CDK17: variants seen among roughly 807,000 people sequenced by gnomAD.
The protein encoded by CDK17 is cyclin dependent kinase 17, also known as cyclin-dependent kinase 17.
In CDK17, 24 loss-of-function variants were observed where a neutral mutation model predicts 77.6. The observed-to-expected ratio is 0.31, with a 90% CI of 0.22 to 0.44. The LOEUF is 0.44. Among genes scored for constraint, CDK17 ranks in the 20% least tolerant of loss-of-function variants. CDK17 has a pLI of 1.00. For missense variants in CDK17, 429 were observed against 622.5 expected, an observed-to-expected ratio of 0.69 and a Z score of 3.31; for synonymous variants, 203 against 210.4, an observed-to-expected ratio of 0.96 and a Z score of 0.30.
chr12:96,352,799 C>A (rs117216240), intron 1 of CDK17, among the ~76,000 whole-genome samples: 3,686 of 152,290 alleles, frequency 0.024, 71 homozygotes, highest in Non-Finnish European at 0.037. Flanking sequence ...AATATGAAGT[C>A]TTTCAGTGAC....
chr12:96,282,737 T>C (rs186159707), intron 14 of CDK17, 138 bp from the exon 15 acceptor site: 359 of 603,208 alleles, frequency 6.0e-4, no homozygotes, highest in Non-Finnish European at 1.0e-4. Flanking sequence ...CAATCAACAA[T>C]TTGGAATACT....
At chr12:96,333,099 C>A (rs1952994068) in intron 2 of CDK17, among the ~76,000 whole-genome samples, 1 of 151,984 alleles carries the variant, frequency 6.6e-6, no homozygotes, top group Admixed American at 6.6e-5. Context: ...TGGCAAGACC[C>A]TTCTATCCTA....
intron 3 of CDK17, among the ~76,000 whole-genome samples, chr12:96,319,026 G>A (rs1952773777): frequency 6.8e-6 from 1 of 146,382 alleles, no homozygotes; most frequent in African/African-American, 2.5e-5. Context: ...TTTTTGAAAG[G>A]ATCAACAAAA....
intron 1 of CDK17, among the ~76,000 whole-genome samples, chr12:96,353,785 G>C (rs1420544875): frequency 6.6e-6 from 1 of 151,918 alleles, no homozygotes; most frequent in Admixed American, 6.6e-5. Flanking sequence ...CAATAAGAAA[G>C]GTAATAACTA....
chr12:96,373,927 C>T lies in CDK17; in HGVS notation c.-30+26059G>A, dbSNP rs1324206758. Among the ~76,000 whole-genome samples, 4 of 152,010 alleles carry T rather than the reference C, an allele frequency of 2.6e-5. No homozygotes were observed. The East Asian group carries it at 5.8e-4, about 22-fold the overall frequency. ...AGAGCGAAGACCACTCCACCCTGGGCGACAGAGCAAGACTCCGTCTCAAAA... is the reference window on the plus strand; with the variant it reads ...AGAGCGAAGACCACTCCACCCTGGGTGACAGAGCAAGACTCCGTCTCAAAA... On this transcript the variant is annotated intron_variant, in intron 1 of 16. Transcript: ENST00000261211.
intron 1 of CDK17, among the ~76,000 whole-genome samples, chr12:96,390,096 G>A (rs1001620053): frequency 1.3e-5 from 2 of 151,276 alleles, no homozygotes; most frequent in Non-Finnish European, 2.9e-5. Flanking sequence ...CCAAAGTGCT[G>A]GGATTACAAG....
intron 1 of CDK17, chr12:96,387,024 A>G: frequency 3.1e-6 from 1 of 317,530 alleles, no homozygotes; most frequent in Non-Finnish European, 6.3e-6. Flanking sequence ...ACTTCCTCAA[A>G]TTTGTGTTTC....
At chr12:96,345,964 A>G (rs1431651828) in intron 1 of CDK17, among the ~76,000 whole-genome samples, 1 of 152,232 alleles carries the variant, frequency 6.6e-6, no homozygotes, top group East Asian at 1.9e-4. Context: ...TAAATGAATT[A>G]AACTCTTCAA....
At chr12:96,361,630 T>C (rs1953493886) in intron 1 of CDK17, among the ~76,000 whole-genome samples, 1 of 152,212 alleles carries the variant, frequency 6.6e-6, no homozygotes. Flanking sequence ...GGAAATTAAA[T>C]AATCAATACC....
Position 96,391,150 on chromosome 12 carries a change from A to AT in CDK17, c.-30+8835dup, listed in dbSNP as rs770330498. ...TACATAAACTACCACAGCAGAATGAATAACATTAAATGCACTGTTTGATCC... is the reference window on the plus strand; with the variant it reads ...TACATAAACTACCACAGCAGAATGAATTAACATTAAATGCACTGTTTGATCC... On this transcript the variant is annotated intron_variant, in intron 1 of 16. Transcript: ENST00000261211. Among the ~76,000 whole-genome samples, 3 of 152,152 alleles carry AT rather than the reference A, an allele frequency of 2.0e-5. No individual in the cohort carries two copies. The South Asian group carries it at 6.2e-4, about 31-fold the overall frequency.
chr12:96,286,070 G>C lies in CDK17; in HGVS notation c.1295C>G (p.Pro432Arg). The change falls in exon 13 of 17, where the codon CCA becomes CGA. Residue 432 changes from proline (P) to arginine (R), a missense_variant. Transcript: ENST00000261211. ...GGGTGCGTGGTTAATTAGAGGCTGT[G>C]GTTTATATTTTGGAAAGTTGTAGTT... ...FKNYNFPKYK[P>R]QPLINHAPRL... is the part of the protein sequence containing the mutation. 2 of 1,560,558 alleles carry C rather than the reference G, an allele frequency of 1.3e-6. No individual in the cohort carries two copies. Among genetic ancestry groups the C allele is most frequent in the South Asian group, 1.2e-5 (1 of 85,222 alleles).
rs570375759 is a variant in CDK17, at chr12:96,355,529, A to G, written c.-29-20664T>C. On this transcript the variant is annotated intron_variant, in intron 1 of 16. Transcript: ENST00000261211. Reference sequence around the variant, plus strand: ...AAGCGATTCTCCTGCCTCAGCCTCCAGAGTAGCTGGGACTACAGGCACGCG... The same window carrying G: ...AAGCGATTCTCCTGCCTCAGCCTCCGGAGTAGCTGGGACTACAGGCACGCG... Among the ~76,000 whole-genome samples the G allele has an allele frequency of 3.4e-5, 5 of 148,860 alleles. No homozygotes were observed. The Admixed American group carries it at 3.4e-4, about 10-fold the overall frequency.
chr12:96,364,827 C>A (rs1215956710), intron 1 of CDK17, among the ~76,000 whole-genome samples: 1 of 152,098 alleles, frequency 6.6e-6, no homozygotes, highest in South Asian at 2.1e-4. Context: ...TTTGGTCCTA[C>A]CTTTAGTTTC....
At chr12:96,299,184 T>C (rs1244607864) in intron 6 of CDK17, among the ~76,000 whole-genome samples, 2 of 152,190 alleles carry the variant, frequency 1.3e-5, no homozygotes, top group Admixed American at 6.5e-5. Flanking sequence ...GCTTCCATAC[T>C]TCTGTAACAC....
intron 5 of CDK17, among the ~76,000 whole-genome samples, chr12:96,308,654 G>A (rs763615723): frequency 1.4e-5 from 2 of 141,862 alleles, no homozygotes; most frequent in Admixed American, 7.1e-5. Context: ...GCTTGAACCC[G>A]GGGAGGCAGA....
chr12:96,371,136 AT>A (rs1461698004), intron 1 of CDK17, among the ~76,000 whole-genome samples: 1 of 145,274 alleles, frequency 6.9e-6, no homozygotes, highest in Non-Finnish European at 1.5e-5. Context: ...CATCACTCAT[AT>A]CCCCCCCTTA....
intron 1 of CDK17, among the ~76,000 whole-genome samples, chr12:96,356,227 T>C (rs1052801947): frequency 8.3e-4 from 126 of 152,170 alleles, no homozygotes; most frequent in African/African-American, 3.0e-3. Context: ...AGGCCAAAAA[T>C]TCAAATAATA....
intron 11 of CDK17, among the ~76,000 whole-genome samples, chr12:96,287,234 T>G (rs909877953): frequency 1.3e-5 from 2 of 151,912 alleles, no homozygotes; most frequent in South Asian, 4.2e-4. Context: ...ATTCAAGACG[T>G]TTTGATGCAG....
At chr12:96,312,698 G>A (rs1053721076) in intron 4 of CDK17, among the ~76,000 whole-genome samples, 14 of 152,044 alleles carry the variant, frequency 9.2e-5, no homozygotes, top group African/African-American at 3.4e-4. Flanking sequence ...TTAGTTTACA[G>A]TACGTACTGA....
Sources: gnomAD v4.1 joint callset for allele counts (sites outside exome capture counted in the v4.1 genomes callset) on GRCh38, gnomAD v4.1.1 for gene constraint, MANE v1.5 for transcripts, NCBI Gene and HGNC (gene_info 2026-07-23, HGNC 2026-07-21) for gene names.